The following CCDC7 variants were observed in gnomAD, a reference collection of about 807,000 sequenced individuals.
CCDC7 encodes coiled-coil domain containing 7, also known as coiled-coil domain-containing protein 7.
A neutral mutation model predicts 196.9 loss-of-function variants in CCDC7; 183 were observed. The observed-to-expected ratio is 0.93, with a 90% CI of 0.82 to 1.05. CCDC7 has a LOEUF of 1.05. CCDC7 is among the 50% of genes least tolerant of loss of function. The pLI is 0.00. For missense variants in CCDC7, 1,540 were observed against 1,482.2 expected, an observed-to-expected ratio of 1.04 and a Z score of -0.64; for synonymous variants, 525 against 484.6, an observed-to-expected ratio of 1.08 and a Z score of -1.10.
chr10:32,652,080 T>C (rs2068866319), intron 20 of CCDC7, among the ~76,000 whole-genome samples: 2 of 152,216 alleles, frequency 1.3e-5, no homozygotes, highest in Admixed American at 1.3e-4. Flanking sequence ...TTGCTTTATA[T>C]GTTTAGGTGC....
chr10:32,463,075 AAGTTAATAT>A, intron 5 of CCDC7, 26 bp downstream of exon 6: 1 of 1,611,608 alleles, frequency 6.2e-7, no homozygotes, highest in Non-Finnish European at 8.5e-7. Context: ...TAAAATTGTT[AAGTTAATAT>A]TTTTTAACTC....
At position 32,637,613 on chromosome 10, in the gene CCDC7, T is replaced by C. The variant is rs139026605; in HGVS notation, c.2014+2455T>C. Among the ~76,000 whole-genome samples the C allele has an allele frequency of 7.0e-3, 1,071 of 152,328 alleles. 13 individuals are homozygous for C. The highest frequency in any genetic ancestry group is 0.025 in the African/African-American group (1,022 of 41,570). On this transcript the variant is annotated intron_variant, in intron 20 of 41. Transcript: ENST00000639629. ...TAGCTCTGTTTTGGTACCGGTACCA[T>C]GCTCTTTTGGTTACTGTAGCCTTGT...
intron 28 of CCDC7, among the ~76,000 whole-genome samples, chr10:32,739,616 A>G (rs1333609887): frequency 6.7e-6 from 1 of 149,478 alleles, no homozygotes; most frequent in South Asian, 2.1e-4. Context: ...GCCATATCTG[A>G]GTTTGATGCT....
intron 16 of CCDC7, among the ~76,000 whole-genome samples, chr10:32,582,211 T>C (rs1371366862): frequency 6.7e-6 from 1 of 149,278 alleles, no homozygotes; most frequent in African/African-American, 2.5e-5. Context: ...AGTTCAAAAT[T>C]CATTCTAAAC....
At chr10:32,822,436 C>A (rs1452385236) in intron 31 of CCDC7, among the ~76,000 whole-genome samples, 4 of 151,906 alleles carry the variant, frequency 2.6e-5, no homozygotes, top group African/African-American at 9.7e-5. Context: ...ATAAAAATAA[C>A]CAAAAAATGT....
At chr10:32,791,516 A>G (rs2082697282) in intron 29 of CCDC7, among the ~76,000 whole-genome samples, 1 of 152,046 alleles carries the variant, frequency 6.6e-6, no homozygotes, top group South Asian at 2.1e-4. Context: ...AAGTCAATAA[A>G]GCCAAAGATA....
intron 28 of CCDC7, among the ~76,000 whole-genome samples, chr10:32,771,067 C>T (rs2079084108): frequency 6.6e-6 from 1 of 152,062 alleles, no homozygotes; most frequent in South Asian, 2.1e-4. Context: ...TCATTTAGGC[C>T]ATTTACATTC....
intron 24 of CCDC7, among the ~76,000 whole-genome samples, chr10:32,709,008 A>C (rs1436769732): frequency 6.6e-6 from 1 of 152,220 alleles, no homozygotes; most frequent in East Asian, 1.9e-4. Context: ...GCTACTGTAA[A>C]GACAACGTGC....
At chr10:32,837,552 T>A (rs1019729500) in intron 33 of CCDC7, among the ~76,000 whole-genome samples, 9 of 152,168 alleles carry the variant, frequency 5.9e-5, no homozygotes, top group African/African-American at 2.2e-4. Flanking sequence ...AAATACCATT[T>A]GACCCAGCCA....
At chr10:32,738,484 T>C (rs1216259714) in intron 28 of CCDC7, among the ~76,000 whole-genome samples, 3 of 148,556 alleles carry the variant, frequency 2.0e-5, no homozygotes, top group South Asian at 4.4e-4. Context: ...TTTTTTTTTT[T>C]TTTTTTTTTT....
chr10:32,792,998 A>T (rs1319800162), intron 29 of CCDC7, among the ~76,000 whole-genome samples: 2 of 152,216 alleles, frequency 1.3e-5, no homozygotes, highest in Admixed American at 6.5e-5. Flanking sequence ...ACCTATAAAT[A>T]ACCTTGAATG....
intron 28 of CCDC7, among the ~76,000 whole-genome samples, chr10:32,761,685 A>T (rs748055281): frequency 1.4e-4 from 22 of 152,016 alleles, no homozygotes; most frequent in Non-Finnish European, 3.1e-4. Context: ...TCATCCTGTG[A>T]GTGGCTGAAT....
chr10:32,474,937 A>G (rs2038691028), intron 8 of CCDC7, among the ~76,000 whole-genome samples: 2 of 152,216 alleles, frequency 1.3e-5, no homozygotes, highest in Non-Finnish European at 2.9e-5. Context: ...CTTTAAACCC[A>G]AACGTTGCCA....
chr10:32,710,477 T>C (rs181857433), intron 24 of CCDC7, among the ~76,000 whole-genome samples: 8 of 152,348 alleles, frequency 5.3e-5, no homozygotes, highest in African/African-American at 1.4e-4. Context: ...GTTGGATCTC[T>C]AATTTGCCCC....
At chr10:32,709,148 A>C (rs1374833413) in intron 24 of CCDC7, among the ~76,000 whole-genome samples, 1 of 152,078 alleles carries the variant, frequency 6.6e-6, no homozygotes. Flanking sequence ...GCCATAAAAA[A>C]GGATGAGTTC....
chr10:32,848,568 C>T (rs1399531545), intron 38 of CCDC7, 28 bp from the exon 40 acceptor site: 1 of 1,393,938 alleles, frequency 7.2e-7, no homozygotes, highest in South Asian at 1.2e-5. Context: ...AGTATTCATG[C>T]ACTTTTTCTT....
chr10:32,563,344 C>T (rs2056132580), intron 13 of CCDC7, among the ~76,000 whole-genome samples: 1 of 152,174 alleles, frequency 6.6e-6, no homozygotes, highest in South Asian at 2.1e-4. Context: ...ATTGCCAAGT[C>T]AATCCTAAGC....
At chr10:32,692,358 A>C (rs2077183956) in intron 23 of CCDC7, among the ~76,000 whole-genome samples, 1 of 152,220 alleles carries the variant, frequency 6.6e-6, no homozygotes, top group Non-Finnish European at 1.5e-5. Context: ...TATGTGAATC[A>C]GAGGATAAAG....
At chr10:32,485,002 G>C (rs2040736264) in intron 8 of CCDC7, among the ~76,000 whole-genome samples, 1 of 152,200 alleles carries the variant, frequency 6.6e-6, no homozygotes, top group African/African-American at 2.4e-5. Flanking sequence ...TCAGGATGAT[G>C]CTGGCCTCAT....
Sources: allele counts gnomAD v4.1 joint callset (sites outside exome capture counted in the v4.1 genomes callset), GRCh38; gene constraint gnomAD v4.1.1; transcripts MANE v1.5; gene names NCBI Gene and HGNC (gene_info 2026-07-23, HGNC 2026-07-21).